CNTNAP2: variants seen among roughly 807,000 people sequenced by gnomAD.
CNTNAP2 encodes the protein contactin-associated protein-like 2.
A neutral mutation model predicts 155.2 loss-of-function variants in CNTNAP2; 98 were observed. The observed-to-expected ratio is 0.63, with a 90% confidence interval of 0.54 to 0.75. CNTNAP2 has a LOEUF of 0.75. CNTNAP2 is among the 30% of genes least tolerant of loss of function. The probability of loss-of-function intolerance (pLI) is 0.00; values close to 1 mark genes in which losing one functional copy is unlikely to be tolerated. For missense variants in CNTNAP2, 1,727 were observed against 1,688.1 expected (o/e 1.02, Z -0.40); for synonymous variants, 651 against 631.2 (o/e 1.03, Z -0.47).
chr7:148,313,348 G>GAGTC (rs1308831406), intron 21 of CNTNAP2, among the ~76,000 whole-genome samples: 1 of 151,610 alleles, frequency 6.6e-6, no homozygotes, highest in Non-Finnish European at 1.5e-5. Flanking sequence ...ATCTGGGAAG[G>GAGTC]AGTCAGAGAG....
chr7:147,718,907 T>A (rs1184821211), intron 13 of CNTNAP2, among the ~76,000 whole-genome samples: 1 of 152,160 alleles, frequency 6.6e-6, no homozygotes, highest in Non-Finnish European at 1.5e-5. Context: ...AGAGCTTTAG[T>A]ATTACTATTG....
chr7:148,331,535 G>A (rs867904650), intron 21 of CNTNAP2, among the ~76,000 whole-genome samples: 3 of 105,812 alleles, frequency 2.8e-5, no homozygotes, highest in Non-Finnish European at 5.5e-5. Context: ...ATGGATGGAC[G>A]GATGGAGTGG....
chr7:146,770,784 T>C (rs1802281470), intron 1 of CNTNAP2, among the ~76,000 whole-genome samples: 1 of 152,118 alleles, frequency 6.6e-6, no homozygotes, highest in Admixed American at 6.5e-5. Context: ...TATATTATGG[T>C]TTTATAAATG....
chr7:146,502,652 T>C (rs1223391189), intron 1 of CNTNAP2, among the ~76,000 whole-genome samples: 2 of 152,066 alleles, frequency 1.3e-5, no homozygotes, highest in African/African-American at 4.8e-5. Flanking sequence ...CTCTCTTTCA[T>C]CCAGGCTGGA....
intron 1 of CNTNAP2, among the ~76,000 whole-genome samples, chr7:146,507,912 C>T (rs1797408564): frequency 6.6e-6 from 1 of 152,120 alleles, no homozygotes. Flanking sequence ...GTTCCTGGCT[C>T]TCTGGTGTGA....
chr7:148,061,482 T>G (rs999902341), intron 15 of CNTNAP2, among the ~76,000 whole-genome samples: 5 of 152,150 alleles, frequency 3.3e-5, no homozygotes, highest in African/African-American at 1.2e-4. Flanking sequence ...GTTTCCCAAG[T>G]AGCTGGGACT....
chr7:147,076,347 C>T (rs150152959), intron 4 of CNTNAP2, among the ~76,000 whole-genome samples: 4,319 of 152,240 alleles, frequency 0.028, 87 homozygotes, highest in Middle Eastern at 0.061. Flanking sequence ...GATGGTATCT[C>T]ATTGTGGTTT....
At chr7:147,951,731 A>G (rs1800932714) in intron 14 of CNTNAP2, among the ~76,000 whole-genome samples, 1 of 151,378 alleles carries the variant, frequency 6.6e-6, no homozygotes, top group African/African-American at 2.4e-5. Flanking sequence ...GAACACATGG[A>G]CACAGGGAGG....
intron 1 of CNTNAP2, among the ~76,000 whole-genome samples, chr7:146,252,086 G>A (rs559395037): frequency 7.9e-5 from 12 of 152,260 alleles, no homozygotes; most frequent in African/African-American, 2.4e-4. Flanking sequence ...AGTTTTCAAC[G>A]CAGAGGACAT....
At chr7:146,579,500 A>G (rs150682008) in intron 1 of CNTNAP2, among the ~76,000 whole-genome samples, 3 of 152,240 alleles carry the variant, frequency 2.0e-5, no homozygotes, top group African/African-American at 4.8e-5. Flanking sequence ...GTTATGGTCA[A>G]TAGTGTTTGC....
At chr7:147,945,086 A>C (rs1800796597) in intron 14 of CNTNAP2, among the ~76,000 whole-genome samples, 1 of 152,220 alleles carries the variant, frequency 6.6e-6, no homozygotes, top group Non-Finnish European at 1.5e-5. Context: ...GTATAGAATT[A>C]TATCCAAATT....
At chr7:148,335,315 C>T (rs1248347282) in intron 21 of CNTNAP2, among the ~76,000 whole-genome samples, 1 of 152,154 alleles carries the variant, frequency 6.6e-6, no homozygotes, top group Non-Finnish European at 1.5e-5. Flanking sequence ...TTGAAAAGAA[C>T]ACACAGCCTC....
At chr7:147,655,710 C>T (rs907076646) in intron 13 of CNTNAP2, among the ~76,000 whole-genome samples, 4 of 152,194 alleles carry the variant, frequency 2.6e-5, no homozygotes, top group African/African-American at 9.6e-5. Context: ...AGAGCACAGG[C>T]AGTGTAGAGT....
At chr7:147,073,170 C>T (rs1318594016) in intron 4 of CNTNAP2, among the ~76,000 whole-genome samples, 1 of 148,074 alleles carries the variant, frequency 6.8e-6, no homozygotes, top group Non-Finnish European at 1.5e-5. Context: ...ACTACATATG[C>T]AGGTTTGTTT....
intron 10 of CNTNAP2, among the ~76,000 whole-genome samples, chr7:147,478,499 T>C (rs1200517418): frequency 6.6e-6 from 1 of 152,128 alleles, no homozygotes; most frequent in Non-Finnish European, 1.5e-5. Flanking sequence ...GCTTAAAACA[T>C]CCAGAATTAT....
At chr7:146,582,065 A>T (rs915606195) in intron 1 of CNTNAP2, among the ~76,000 whole-genome samples, 2 of 152,136 alleles carry the variant, frequency 1.3e-5, no homozygotes, top group Non-Finnish European at 2.9e-5. Flanking sequence ...CCCTCTAAAG[A>T]AGCCCTTTCT....
At chr7:147,343,547 TC>T (rs1795798476) in intron 9 of CNTNAP2, among the ~76,000 whole-genome samples, 1 of 152,184 alleles carries the variant, frequency 6.6e-6, no homozygotes, top group Non-Finnish European at 1.5e-5. Context: ...ACTTTTATTT[TC>T]CAGCATTCAT....
intron 3 of CNTNAP2, among the ~76,000 whole-genome samples, chr7:146,925,092 C>T (rs943083655): frequency 3.0e-4 from 46 of 152,038 alleles, no homozygotes; most frequent in African/African-American, 9.9e-4. Context: ...AGTGCTGACC[C>T]TTTTAAAATT....
chr7:147,050,722 T>C (rs1799457241), intron 4 of CNTNAP2, among the ~76,000 whole-genome samples: 2 of 152,056 alleles, frequency 1.3e-5, no homozygotes, highest in Non-Finnish European at 2.9e-5. Context: ...TTTCCTGGGG[T>C]CTCTGTAAAA....
Sources: allele counts gnomAD v4.1 joint callset (sites outside exome capture counted in the v4.1 genomes callset), GRCh38; gene constraint gnomAD v4.1.1; transcripts MANE v1.5; gene names NCBI Gene and HGNC (gene_info 2026-07-23, HGNC 2026-07-21).